Variants in CEP120 observed in about 807,000 individuals in gnomAD.
CEP120 encodes centrosomal protein of 120 kDa.
CEP120 carries 113 observed loss-of-function variants against 126.5 expected under a neutral mutation model. That is an observed-to-expected ratio of 0.89 (90% confidence interval 0.77 to 1.04). The LOEUF (loss-of-function observed/expected upper bound fraction) is 1.04. Among genes scored for constraint, CEP120 ranks in the 50% least tolerant of loss-of-function variants. CEP120 has a pLI of 0.00. For synonymous variants in CEP120, 400 were observed against 394.3 expected (o/e 1.01, Z -0.17); for missense variants, 1,230 against 1,155.7 (o/e 1.06, Z -0.93).
chr5:123,360,249 A>C (rs185709461), intron 18 of CEP120, among the ~76,000 whole-genome samples: 1 of 152,150 alleles, frequency 6.6e-6, no homozygotes, highest in Non-Finnish European at 1.5e-5. Flanking sequence ...CACACATGAA[A>C]TGTGCCTATT....
chr5:123,397,784 C>G, intron 5 of CEP120, among the ~76,000 whole-genome samples: 1 of 152,094 alleles, frequency 6.6e-6, no homozygotes, highest in Non-Finnish European at 1.5e-5. Flanking sequence ...CATTTTGTTC[C>G]TCTAAGAAAG....
At chr5:123,416,601 AAT>A (rs201630538) in intron 2 of CEP120, among the ~76,000 whole-genome samples, 2 of 149,114 alleles carry the variant, frequency 1.3e-5, no homozygotes, top group Admixed American at 6.7e-5. Context: ...AAATAAAAAA[AAT>A]AAACAGGTAA....
At chr5:123,394,204 C>T (rs1283917807) in intron 5 of CEP120, among the ~76,000 whole-genome samples, 1 of 152,188 alleles carries the variant, frequency 6.6e-6, no homozygotes, top group Non-Finnish European at 1.5e-5. Flanking sequence ...AATTATCATA[C>T]ACCATGGCTG....
At chr5:123,366,596 ATT>A (rs1457532120) in intron 17 of CEP120, among the ~76,000 whole-genome samples, 1 of 151,674 alleles carries the variant, frequency 6.6e-6, no homozygotes, top group Non-Finnish European at 1.5e-5. Flanking sequence ...GGAACTCTAC[ATT>A]TTTCTCTTGA....
chr5:123,347,494 A>C (rs1361993038), intron 19 of CEP120, among the ~76,000 whole-genome samples: 1 of 152,150 alleles, frequency 6.6e-6, no homozygotes, highest in Non-Finnish European at 1.5e-5. Flanking sequence ...TATGCATGTT[A>C]AGGTTTTGTA....
rs559271096 is a variant in CEP120, at chr5:123,347,287, C to G, written c.2727-534G>C. ...CATTTAGTCATCCTTTATTATTGGT[C>G]TTTAGGTTGCTCCTAAACCTTTGTT... On this transcript the variant is annotated intron_variant, in intron 19 of 19. Coordinates refer to ENST00000306467, the MANE Select transcript of CEP120 (RefSeq NM_001375405.1). Among the ~76,000 whole-genome samples, 4 of 152,062 alleles carry G rather than the reference C, an allele frequency of 2.6e-5. No homozygotes were observed. In the South Asian group the frequency reaches 8.3e-4, roughly 32 times the overall value.
intron 2 of CEP120, among the ~76,000 whole-genome samples, chr5:123,417,765 G>T (rs1374913159): frequency 6.6e-6 from 1 of 151,078 alleles, no homozygotes; most frequent in Non-Finnish European, 1.5e-5. Context: ...AAAAGCTTAG[G>T]CTCTGAAGCT....
chr5:123,373,631 A>T (rs988115987), intron 16 of CEP120, among the ~76,000 whole-genome samples: 2 of 152,080 alleles, frequency 1.3e-5, no homozygotes, highest in African/African-American at 4.8e-5. Context: ...TCTGGGATAC[A>T]GATGGAAGGA....
Position 123,346,728 on chromosome 5 carries a change from A to T in CEP120, c.2752T>A (p.Tyr918Asn), listed in dbSNP as rs1378707010. The T allele has an allele frequency of 6.2e-7, 1 of 1,610,764 alleles. No individual in the cohort carries two copies. Among genetic ancestry groups the T allele is most frequent in the African/African-American group, 1.3e-5 (1 of 74,830 alleles). The stretch of plus-strand genomic sequence containing the variant: ...CTTGCAATCTCTGTGGAATCCTGGT[A>T]TTGTTTTTGCTCTTGTTGCCTTAAC... ...NRLRQQEQKQ[Y>N]QDSTEIASGK... Residue 918 changes from tyrosine to asparagine, a missense_variant, in exon 20 of 20, where the codon TAC (tyrosine) becomes AAC (asparagine). By Grantham distance (143) the Tyr-to-Asn change is moderately radical. Transcript: ENST00000306467.
chr5:123,364,468 TA>T, intron 18 of CEP120, 27 bp downstream of exon 18: 1 of 1,451,514 alleles, frequency 6.9e-7, no homozygotes. Context: ...GAAAAAGATA[TA>T]AAAAGAATAA....
chr5:123,400,727 G>A (rs1199080747), intron 4 of CEP120, among the ~76,000 whole-genome samples: 1 of 129,802 alleles, frequency 7.7e-6, no homozygotes, highest in African/African-American at 3.0e-5. Context: ...AAAAGCAACT[G>A]AATTGTTTTG....
intron 4 of CEP120, chr5:123,401,307 T>G: frequency 6.2e-7 from 1 of 1,606,570 alleles, no homozygotes. Flanking sequence ...GCATCCTTAA[T>G]GGCCAGCTCT....
intron 17 of CEP120, among the ~76,000 whole-genome samples, chr5:123,367,039 C>T (rs1415882844): frequency 6.6e-6 from 1 of 151,774 alleles, no homozygotes; most frequent in African/African-American, 2.4e-5. Flanking sequence ...TACTAGATTC[C>T]GAACGCCAAA....
At chr5:123,395,091 T>C (rs1756853130) in intron 5 of CEP120, among the ~76,000 whole-genome samples, 1 of 152,254 alleles carries the variant, frequency 6.6e-6, no homozygotes, top group East Asian at 1.9e-4. Flanking sequence ...TTTTACTTTC[T>C]TTCATGATCA....
intron 4 of CEP120, chr5:123,403,581 T>C: frequency 3.1e-6 from 1 of 324,508 alleles, no homozygotes; most frequent in Non-Finnish European, 6.0e-6. Flanking sequence ...AAAGAGTTAT[T>C]AATTACAAAG....
chr5:123,394,026 A>T (rs1393600704), intron 5 of CEP120, among the ~76,000 whole-genome samples: 1 of 152,336 alleles, frequency 6.6e-6, no homozygotes, highest in South Asian at 2.1e-4. Context: ...TTGTACTATG[A>T]GTGTTACTTT....
chr5:123,390,071 T>C lies in CEP120; in HGVS notation c.1108A>G (p.Ile370Val). Reference protein sequence around the residue: ...EHSKKKVLTPIKEKTLTGPKS... With the variant: ...EHSKKKVLTPVKEKTLTGPKS... ...GGCCCAGTAAGTGTCTTCTCCTTTATGGGGGTTAAAACTTTCTTCTTTGAA... is the reference window on the plus strand; with the variant it reads ...GGCCCAGTAAGTGTCTTCTCCTTTACGGGGGTTAAAACTTTCTTCTTTGAA... Residue 370 changes from isoleucine (I) to valine (V), a missense_variant, in exon 8 of 20, where the codon ATA (isoleucine) becomes GTA (valine). By Grantham distance (29) the Ile-to-Val change is conservative (BLOSUM62 3). Coordinates refer to ENST00000306467, the MANE Select transcript of CEP120 (RefSeq NM_001375405.1). 6.2e-7 allele frequency: 1 copy of C among 1,614,154 alleles called. No homozygotes were observed. The highest frequency in any genetic ancestry group is 8.5e-7 in the Non-Finnish European group (1 of 1,179,992).
In CEP120 at chr5:123,386,675, T is replaced by TA. The variant is rs1562047830; in HGVS notation, c.1431-9_1431-8insT. ...AAGAATGGATATGAGTACCTAGAAT[T>TA]TAAAAAAAAAAAAAAAAAAAAAAGC... is the stretch of plus-strand genomic sequence containing the variant. On this transcript the variant is annotated splice_polypyrimidine_tract_variant and intron_variant, in intron 9 of 19. Transcript: ENST00000306467. 3,198 of 688,290 alleles carry TA rather than the reference T, an allele frequency of 4.6e-3. 81 individuals carry two copies. The highest frequency in any genetic ancestry group is 0.017 in the African/African-American group (464 of 27,928). The allele number at this position is 688,290 out of a possible 1,614,324, so 42.6% of individuals were successfully genotyped here.
At chr5:123,361,536 A>G (rs755056619) in intron 18 of CEP120, among the ~76,000 whole-genome samples, 49 of 151,952 alleles carry the variant, frequency 3.2e-4, no homozygotes, top group Non-Finnish European at 5.6e-4. Context: ...AAGTTTACCT[A>G]CTGACACTCT....
Sources: gnomAD v4.1 joint callset for allele counts (sites outside exome capture counted in the v4.1 genomes callset) on GRCh38, gnomAD v4.1.1 for gene constraint, MANE v1.5 for transcripts, NCBI Gene and HGNC (gene_info 2026-07-23, HGNC 2026-07-21) for gene names.